Variants in MYO1D observed in about 807,000 individuals in gnomAD.
The protein encoded by MYO1D is myosin ID.
In MYO1D, 83 loss-of-function variants were observed where a neutral mutation model predicts 122.0. That is an observed-to-expected ratio of 0.68 (90% CI 0.57 to 0.82). The LOEUF is 0.82. Ranked by LOEUF, MYO1D falls within the 40% of genes least tolerant of loss-of-function variation. The pLI is 0.00. For missense variants in MYO1D, 1,157 were observed against 1,269.5 expected, an observed-to-expected ratio of 0.91 and a Z score of 1.35; for synonymous variants, 464 against 446.9, an observed-to-expected ratio of 1.04 and a Z score of -0.48.
At chr17:32,802,443 A>C (rs1014880335) in intron 1 of MYO1D, among the ~76,000 whole-genome samples, 1 of 152,228 alleles carries the variant, frequency 6.6e-6, no homozygotes, top group Non-Finnish European at 1.5e-5. Flanking sequence ...ATAACTTGTA[A>C]AACATGGTAT....
chr17:32,695,236 T>G (rs1457695442), intron 16 of MYO1D, among the ~76,000 whole-genome samples: 1 of 152,228 alleles, frequency 6.6e-6, no homozygotes, highest in Non-Finnish European at 1.5e-5. Context: ...GCGCACAGCC[T>G]AGATCCCTTG....
intron 1 of MYO1D, among the ~76,000 whole-genome samples, chr17:32,824,431 T>C (rs2090703416): frequency 6.6e-6 from 1 of 152,222 alleles, no homozygotes; most frequent in African/African-American, 2.4e-5. Context: ...AAGCATAGCA[T>C]AATGGGTCAG....
intron 11 of MYO1D, 117 bp from the exon 12 acceptor site, chr17:32,749,123 G>A: frequency 1.1e-6 from 1 of 914,166 alleles, no homozygotes; most frequent in South Asian, 1.5e-5. Flanking sequence ...ACATTGTGTG[G>A]GGCTTGATTT....
chr17:32,509,317 T>C (rs1909604386), intron 21 of MYO1D, among the ~76,000 whole-genome samples: 1 of 152,220 alleles, frequency 6.6e-6, no homozygotes, highest in Admixed American at 6.5e-5. Flanking sequence ...TACCTTGCTT[T>C]GTAAACCCAA....
intron 21 of MYO1D, chr17:32,505,258 T>A (rs1245204272): frequency 6.6e-6 from 1 of 152,284 alleles, no homozygotes; most frequent in Non-Finnish European, 1.5e-5. Flanking sequence ...CTCTGCTCCA[T>A]CTCAGCCTGA....
At chr17:32,742,963 C>A (rs933617084) in intron 13 of MYO1D, among the ~76,000 whole-genome samples, 6 of 152,240 alleles carry the variant, frequency 3.9e-5, no homozygotes, top group African/African-American at 1.4e-4. Context: ...TTGGCATTAG[C>A]AAATCCAATG....
At chr17:32,595,317 A>G (rs62068383) in intron 21 of MYO1D, among the ~76,000 whole-genome samples, 258 of 152,308 alleles carry the variant, frequency 1.7e-3, no homozygotes, top group Non-Finnish European at 2.9e-3. Flanking sequence ...AAATAGCTAG[A>G]AGAGAGGATT....
intron 16 of MYO1D, among the ~76,000 whole-genome samples, chr17:32,691,685 T>A (rs113602044): frequency 0.14 from 21,698 of 152,166 alleles, 1,982 homozygotes; most frequent in Middle Eastern, 0.28. Flanking sequence ...GGATTACAGG[T>A]GTGAGCCACC....
intron 19 of MYO1D, among the ~76,000 whole-genome samples, chr17:32,645,879 A>C (rs1289769259): frequency 6.6e-6 from 1 of 152,014 alleles, no homozygotes; most frequent in Non-Finnish European, 1.5e-5. Context: ...AAGTTTGATC[A>C]TCTGAAGCCT....
At chr17:32,823,518 T>C (rs1174645251) in intron 1 of MYO1D, among the ~76,000 whole-genome samples, 1 of 152,164 alleles carries the variant, frequency 6.6e-6, no homozygotes, top group Non-Finnish European at 1.5e-5. Context: ...AGTTAAACTT[T>C]GCAAATCAAG....
intron 5 of MYO1D, among the ~76,000 whole-genome samples, chr17:32,772,339 T>G (rs988010815): frequency 6.6e-6 from 1 of 151,762 alleles, no homozygotes; most frequent in Non-Finnish European, 1.5e-5. Context: ...ATCCAGATTG[T>G]TTTTTTAAAA....
intron 21 of MYO1D, among the ~76,000 whole-genome samples, chr17:32,507,115 T>G (rs1188852042): frequency 2.0e-5 from 3 of 151,966 alleles, no homozygotes; most frequent in African/African-American, 7.3e-5. Flanking sequence ...AAAGTAAAAA[T>G]AGGCTGGGTG....
At chr17:32,582,108 T>C (rs2087347225) in intron 21 of MYO1D, among the ~76,000 whole-genome samples, 1 of 151,692 alleles carries the variant, frequency 6.6e-6, no homozygotes, top group South Asian at 2.1e-4. Flanking sequence ...AGAGATAGGG[T>C]TTTACCACGT....
At chr17:32,837,638 A>G (rs189767770) in intron 1 of MYO1D, among the ~76,000 whole-genome samples, 1 of 152,262 alleles carries the variant, frequency 6.6e-6, no homozygotes, top group Non-Finnish European at 1.5e-5. Context: ...ATTAATGTAC[A>G]CAACCATTTG....
intron 14 of MYO1D, among the ~76,000 whole-genome samples, chr17:32,736,273 A>T (rs574243796): frequency 2.6e-5 from 4 of 152,230 alleles, no homozygotes; most frequent in South Asian, 2.1e-4. Context: ...TTACTTTAAA[A>T]CAGAATTCTT....
At chr17:32,847,555 A>T (rs1312047411) in intron 1 of MYO1D, among the ~76,000 whole-genome samples, 2 of 152,206 alleles carry the variant, frequency 1.3e-5, no homozygotes, top group African/African-American at 4.8e-5. Context: ...TCACTCTGTC[A>T]CTAGGCTGGA....
At chr17:32,817,909 G>C (rs1232196330) in intron 1 of MYO1D, among the ~76,000 whole-genome samples, 1 of 151,432 alleles carries the variant, frequency 6.6e-6, no homozygotes, top group Admixed American at 6.6e-5. Context: ...GGCGGATCAC[G>C]AGGTCAGGAG....
chr17:32,711,101 T>C (rs372265050), intron 16 of MYO1D, among the ~76,000 whole-genome samples: 1 of 152,324 alleles, frequency 6.6e-6, no homozygotes, highest in East Asian at 1.9e-4. Context: ...ATTTTTCATA[T>C]AGCTCTACAA....
At chr17:32,572,327 C>A (rs2087239052) in intron 21 of MYO1D, among the ~76,000 whole-genome samples, 1 of 152,082 alleles carries the variant, frequency 6.6e-6, no homozygotes, top group Non-Finnish European at 1.5e-5. Context: ...TTTTACCTCC[C>A]AAAGATGCTC....
Sources: gnomAD v4.1 joint callset for allele counts (sites outside exome capture counted in the v4.1 genomes callset) on GRCh38, gnomAD v4.1.1 for gene constraint, MANE v1.5 for transcripts, NCBI Gene and HGNC (gene_info 2026-07-23, HGNC 2026-07-21) for gene names.